FRMD3: variants seen among roughly 807,000 people sequenced by gnomAD.
The protein encoded by FRMD3 is FERM domain containing 3, also known as FERM domain-containing protein 3.
Under a neutral mutation model 70.2 loss-of-function variants are expected in FRMD3, and 33 were observed. That is an observed-to-expected ratio of 0.47 (90% confidence interval 0.36 to 0.63). The LOEUF is 0.63. Ranked by LOEUF, FRMD3 falls within the 20% of genes least tolerant of loss-of-function variation. The probability of loss-of-function intolerance (pLI) is 0.00; values close to 1 mark genes in which losing one functional copy is unlikely to be tolerated. For synonymous variants in FRMD3, 279 were observed against 255.9 expected (o/e 1.09, Z -0.86); for missense variants, 632 against 711.4 (o/e 0.89, Z 1.27).
chr9:83,472,745 C>A (rs1020337180), intron 1 of FRMD3, among the ~76,000 whole-genome samples: 1 of 152,076 alleles, frequency 6.6e-6, no homozygotes, highest in Admixed American at 6.5e-5. Context: ...AAAACCTGTG[C>A]CATGAGAGTT....
rs1323260030 is a variant in FRMD3 at position 83,507,685 on chromosome 9, T to TAC, written c.147+30398_147+30399dup. Among the ~76,000 whole-genome samples, 177 of 23,724 alleles carry TAC rather than the reference T, an allele frequency of 7.5e-3. 15 individuals are homozygous for TAC. Among genetic ancestry groups the TAC allele is most frequent in the African/African-American group, 0.04 (131 of 3,248 alleles). 15.6% of individuals were successfully genotyped at this position (23,724 alleles called of 152,430 possible). On this transcript the variant is annotated intron_variant, in intron 1 of 13. Coordinates refer to ENST00000304195, the MANE Select transcript of FRMD3 (RefSeq NM_174938.6). ...ACTCCGTCTCAAACAAAAAAAAATA[T>TAC]ACATACATATATATATATATATATA... is the stretch of plus-strand genomic sequence containing the variant.
intron 1 of FRMD3, among the ~76,000 whole-genome samples, chr9:83,460,677 T>C (rs1203107075): frequency 6.6e-6 from 1 of 152,240 alleles, no homozygotes; most frequent in Non-Finnish European, 1.5e-5. Flanking sequence ...AACATGTACA[T>C]GGTTTCAAAG....
Position 83,317,532 on chromosome 9 carries a change from C to A in FRMD3, c.597-3785G>T, listed in dbSNP as rs991638832. On this transcript the variant is annotated intron_variant, in intron 6 of 13. Transcript: ENST00000304195. ...ATTCTCATTATTCATTGAACTGTCA[C>A]CACCTTTCTAAAAGCTACATGTCAT... Among the ~76,000 whole-genome samples, 9 of 152,286 alleles carry A rather than the reference C, an allele frequency of 5.9e-5. No homozygotes were observed. In the East Asian group the frequency reaches 1.7e-3, roughly 29 times the overall value.
At chr9:83,501,275 C>T (rs112901558) in intron 1 of FRMD3, among the ~76,000 whole-genome samples, 6,984 of 151,328 alleles carry the variant, frequency 0.046, 243 homozygotes, top group South Asian at 0.1. Flanking sequence ...GCCTGGGTGA[C>T]AGAGCGAGAC....
In FRMD3 at chr9:83,299,207, C is replaced by T. The variant is rs368061183; in HGVS notation, c.927-21G>A. 1.1e-4 allele frequency: 173 copies of T among 1,568,166 alleles called. No homozygotes were observed. In the African/African-American group the frequency reaches 2.2e-3, roughly 20 times the overall value. Reference sequence around the variant, plus strand: ...CATACCTTTAAGAAAAAGCAAAGCACAGGTGGTTAGGACATTGGAAAGTCC... The same window carrying T: ...CATACCTTTAAGAAAAAGCAAAGCATAGGTGGTTAGGACATTGGAAAGTCC... On this transcript the variant is annotated intron_variant, in intron 10 of 13. Coordinates refer to ENST00000304195, the MANE Select transcript of FRMD3 (RefSeq NM_174938.6).
intron 1 of FRMD3, among the ~76,000 whole-genome samples, chr9:83,433,943 G>A (rs767681216): frequency 6.6e-6 from 1 of 152,114 alleles, no homozygotes; most frequent in Non-Finnish European, 1.5e-5. Context: ...CCAGGGGCTG[G>A]GGACCCCTGC....
At chr9:83,458,981 A>G (rs1002389105) in intron 1 of FRMD3, among the ~76,000 whole-genome samples, 5 of 152,214 alleles carry the variant, frequency 3.3e-5, no homozygotes, top group Non-Finnish European at 7.3e-5. Flanking sequence ...TGTTATACTC[A>G]GCTACCTTTC....
chr9:83,495,116 C>A (rs1828915315), intron 1 of FRMD3, among the ~76,000 whole-genome samples: 1 of 152,110 alleles, frequency 6.6e-6, no homozygotes, highest in Non-Finnish European at 1.5e-5. Flanking sequence ...CTACATTTAT[C>A]TTTGTCATGA....
At chr9:83,450,444 G>T (rs145755384) in intron 1 of FRMD3, among the ~76,000 whole-genome samples, 1 of 150,426 alleles carries the variant, frequency 6.6e-6, no homozygotes, top group African/African-American at 2.4e-5. Flanking sequence ...TGCCATGCTG[G>T]TGTGCTGCAC....
chr9:83,292,402 T>G (rs932240358), intron 12 of FRMD3, among the ~76,000 whole-genome samples: 4 of 152,100 alleles, frequency 2.6e-5, no homozygotes, highest in Admixed American at 2.0e-4. Context: ...CCTCATGATC[T>G]GCCCATCTCG....
chr9:83,497,002 T>C (rs1053897857), intron 1 of FRMD3, among the ~76,000 whole-genome samples: 1 of 152,126 alleles, frequency 6.6e-6, no homozygotes, highest in African/African-American at 2.4e-5. Flanking sequence ...TAATCCCTGC[T>C]ACTCAGGAGG....
At chr9:83,261,321 A>G (rs1832982645) in intron 13 of FRMD3, among the ~76,000 whole-genome samples, 1 of 152,140 alleles carries the variant, frequency 6.6e-6, no homozygotes, top group Admixed American at 6.5e-5. Context: ...CCAAGTAGCC[A>G]TCATTTGCCA....
intron 1 of FRMD3, among the ~76,000 whole-genome samples, chr9:83,423,499 C>T (rs1322736111): frequency 6.6e-6 from 1 of 150,762 alleles, no homozygotes; most frequent in African/African-American, 2.4e-5. Context: ...TCATATGGTG[C>T]TGCCCCAATT....
At chr9:83,584,631 G>A in the FRMD3 span, among the ~76,000 whole-genome samples, 2 of 152,182 alleles carry the variant, frequency 1.3e-5, no homozygotes, top group Admixed American at 1.3e-4. Context: ...TGTCTTATGA[G>A]ATTTCAAGCA....
chr9:83,251,101 G>T (rs542741247), intron 13 of FRMD3, among the ~76,000 whole-genome samples: 2 of 152,190 alleles, frequency 1.3e-5, no homozygotes, highest in Non-Finnish European at 2.9e-5. Context: ...CCTCCTACAG[G>T]TGCATGCAGG....
At chr9:83,363,732 T>C (rs901427506) in intron 3 of FRMD3, among the ~76,000 whole-genome samples, 8 of 152,108 alleles carry the variant, frequency 5.3e-5, no homozygotes, top group Non-Finnish European at 8.8e-5. Context: ...TTTTTTGTAT[T>C]TTTAGTAGAG....
chr9:83,548,883 C>T, the FRMD3 span, among the ~76,000 whole-genome samples: 1 of 152,108 alleles, frequency 6.6e-6, no homozygotes, highest in Non-Finnish European at 1.5e-5. Context: ...CCTAAAAGTG[C>T]TCTAAAAAAT....
intron 5 of FRMD3, 86 bp from the exon 6 acceptor site, chr9:83,335,725 C>A: frequency 8.5e-7 from 1 of 1,182,748 alleles, no homozygotes; most frequent in Non-Finnish European, 1.2e-6. Context: ...TCCTGCCATC[C>A]AAAAGAAGAG....
chr9:83,443,082 T>A (rs1194727072), intron 1 of FRMD3, among the ~76,000 whole-genome samples: 1 of 152,204 alleles, frequency 6.6e-6, no homozygotes, highest in Non-Finnish European at 1.5e-5. Flanking sequence ...TATCACTGTA[T>A]GGGGAATCAT....
Sources: gnomAD v4.1 joint callset for allele counts (sites outside exome capture counted in the v4.1 genomes callset) on GRCh38, gnomAD v4.1.1 for gene constraint, MANE v1.5 for transcripts, NCBI Gene and HGNC (gene_info 2026-07-23, HGNC 2026-07-21) for gene names.